DARS1: variants seen among roughly 807,000 people sequenced by gnomAD.
DARS1 encodes aspartate--tRNA ligase, cytoplasmic.
A neutral mutation model predicts 68.8 loss-of-function variants in DARS1; 51 were observed. The observed-to-expected ratio is 0.74, with a 90% CI of 0.59 to 0.94. The LOEUF (loss-of-function observed/expected upper bound fraction) is 0.94. Ranked by LOEUF, DARS1 falls within the 40% of genes least tolerant of loss-of-function variation. The pLI is 0.00. For missense variants in DARS1, 607 were observed against 597.3 expected, an observed-to-expected ratio of 1.02 and a Z score of -0.17; for synonymous variants, 203 against 190.4, an observed-to-expected ratio of 1.07 and a Z score of -0.55.
At chr2:135,934,061 T>G in intron 5 of DARS1, 71 bp from the exon 6 acceptor site, 1 of 1,560,600 alleles carries the variant, frequency 6.4e-7, no homozygotes, top group Non-Finnish European at 8.7e-7. Flanking sequence ...AAAAACAATC[T>G]ACAGTTGACT....
At chr2:135,979,091 G>A (rs1309444314) in intron 3 of DARS1, 183 bp downstream of exon 3, 16 of 444,620 alleles carry the variant, frequency 3.6e-5, no homozygotes, top group Non-Finnish European at 6.3e-5. Context: ...TTATTTGTAA[G>A]GATGTTTTAC....
intron 3 of DARS1, among the ~76,000 whole-genome samples, chr2:135,972,485 T>C (rs368030825): frequency 3.3e-5 from 5 of 152,280 alleles, no homozygotes; most frequent in South Asian, 2.1e-4. Flanking sequence ...CAAGAAAACA[T>C]TGGGGAAACC....
intron 1 of DARS1, among the ~76,000 whole-genome samples, chr2:135,985,018 G>A (rs1682739274): frequency 6.6e-6 from 1 of 152,220 alleles, no homozygotes; most frequent in Non-Finnish European, 1.5e-5. Flanking sequence ...TTAGGAACAC[G>A]AGGGCTGAGT....
At chr2:135,939,663 C>A (rs1681552825) in intron 5 of DARS1, among the ~76,000 whole-genome samples, 2 of 152,104 alleles carry the variant, frequency 1.3e-5, no homozygotes, top group African/African-American at 4.8e-5. Context: ...AAGATCAGAG[C>A]AGAATTGAAG....
chr2:135,961,718 A>T (rs534728011), intron 3 of DARS1, among the ~76,000 whole-genome samples: 3 of 152,374 alleles, frequency 2.0e-5, no homozygotes, highest in Non-Finnish European at 2.9e-5. Context: ...GTAACAAGAA[A>T]TGCTTTCAAC....
intron 15 of DARS1, 194 bp downstream of exon 15, chr2:135,910,945 A>G (rs1462479551): frequency 2.1e-6 from 1 of 486,690 alleles, no homozygotes; most frequent in Admixed American, 3.9e-5. Context: ...TGGCTTCTAA[A>G]TTCTTAAGAG....
intron 4 of DARS1, among the ~76,000 whole-genome samples, chr2:135,956,888 C>T (rs890054431): frequency 9.9e-5 from 15 of 151,902 alleles, no homozygotes; most frequent in African/African-American, 2.9e-4. Flanking sequence ...CTCAGCTTCC[C>T]GAGTAGCTGG....
At chr2:135,969,451 A>G (rs1682318765) in intron 3 of DARS1, among the ~76,000 whole-genome samples, 1 of 152,128 alleles carries the variant, frequency 6.6e-6, no homozygotes, top group Non-Finnish European at 1.5e-5. Flanking sequence ...AGGGAGTATC[A>G]TTATTTCTGT....
At chr2:135,938,346 T>C (rs1681517129) in intron 5 of DARS1, among the ~76,000 whole-genome samples, 1 of 152,236 alleles carries the variant, frequency 6.6e-6, no homozygotes, top group Admixed American at 6.5e-5. Flanking sequence ...CATCAGGTCA[T>C]TTAAGTTCTT....
In DARS1 at chr2:135,952,158, C is replaced by T. The variant is rs185713764; in HGVS notation, c.321-8678G>A. On this transcript the variant is annotated intron_variant, in intron 4 of 15. Transcript: ENST00000264161. ...ACCCAGGAGGCTGACGCAGGAGAAT[C>T]GCTTGAACCTGGGAGGCAGAGGTTG... 5.4e-3 allele frequency among the ~76,000 whole-genome samples: 820 copies of T among 152,296 alleles called. 5 individuals carry two copies. The highest frequency in any genetic ancestry group is 7.7e-3 in the Admixed American group (118 of 15,302).
chr2:135,962,097 G>A (rs534972699), intron 3 of DARS1, among the ~76,000 whole-genome samples: 1 of 152,052 alleles, frequency 6.6e-6, no homozygotes, highest in South Asian at 2.1e-4. Flanking sequence ...CATATTTTAT[G>A]AGTCTCGCAT....
Position 135,911,380 on chromosome 2 carries a change from A to G in DARS1, c.1342+2T>C. Reference sequence around the variant, plus strand: ...TCCCCTAAATTATTTTAAGTTGTTTACCAATTCCATGATGTAAAGCTCTCT... The same window carrying G: ...TCCCCTAAATTATTTTAAGTTGTTTGCCAATTCCATGATGTAAAGCTCTCT... On this transcript the variant is annotated splice_donor_variant, in intron 14 of 15. Coordinates refer to ENST00000264161, the MANE Select transcript of DARS1 (RefSeq NM_001349.4). LOFTEE classifies it high-confidence loss of function. 1.1e-6 allele frequency: 1 copy of G among 916,328 alleles called. No homozygotes were observed. Among genetic ancestry groups the G allele is most frequent in the Non-Finnish European group, 1.8e-6 (1 of 545,242 alleles). 56.8% of individuals were successfully genotyped at this position (916,328 alleles called of 1,614,324 possible). A position where few individuals can be genotyped will look rare whatever the true frequency, so the allele number is the denominator to read the frequency against.
At chr2:135,984,265 ATCTG>A (rs1379281879) in intron 1 of DARS1, among the ~76,000 whole-genome samples, 7 of 152,204 alleles carry the variant, frequency 4.6e-5, no homozygotes, top group African/African-American at 1.7e-4. Context: ...GACCTATACT[ATCTG>A]TAAGGGTACA....
At chr2:135,977,609 T>C (rs1682530341) in intron 3 of DARS1, among the ~76,000 whole-genome samples, 1 of 152,302 alleles carries the variant, frequency 6.6e-6, no homozygotes, top group South Asian at 2.1e-4. Context: ...TGACTGACTA[T>C]TGGCAGAATA....
chr2:135,920,747 T>A, intron 9 of DARS1, 147 bp from the exon 10 acceptor site: 1 of 1,081,050 alleles, frequency 9.3e-7, no homozygotes, highest in Non-Finnish European at 1.2e-6. Flanking sequence ...GAACCATCTG[T>A]TTGAGCATTA....
chr2:135,928,512 T>A (rs1189424541), intron 7 of DARS1, among the ~76,000 whole-genome samples: 1 of 149,312 alleles, frequency 6.7e-6, no homozygotes, highest in Non-Finnish European at 1.5e-5. Context: ...GCCTGGCTAA[T>A]TTTTTTTGTA....
intron 4 of DARS1, among the ~76,000 whole-genome samples, chr2:135,956,908 C>T (rs747571229): frequency 6.6e-6 from 1 of 150,612 alleles, no homozygotes; most frequent in Non-Finnish European, 1.5e-5. Context: ...GGATTAGAGG[C>T]GCCTACCACC....
intron 8 of DARS1, 63 bp downstream of exon 8, chr2:135,924,303 AAGTTAAAAATTTTATTAATAT>A (rs1681167289): frequency 7.2e-7 from 1 of 1,387,174 alleles, no homozygotes; most frequent in Non-Finnish European, 9.4e-7. Context: ...TGGGATTCTC[AAGTTAAAAATTTTATTAATAT>A]AAAGCAACTC....
Position 135,983,465 on chromosome 2 carries a change from A to G in DARS1, c.67-11T>C. On this transcript the variant is annotated splice_polypyrimidine_tract_variant and intron_variant, in intron 1 of 15. Coordinates refer to ENST00000264161, the MANE Select transcript of DARS1 (RefSeq NM_001349.4). ...CTCTTTAGCATAATCCTACAAAAAA[A>G]GTTTTTTGCATCGTGACTTTTTATG... 2.0e-6 allele frequency: 2 copies of G among 999,456 alleles called. No homozygotes were observed. The highest frequency in any genetic ancestry group is 1.4e-5 in the South Asian group (1 of 71,786). 61.9% of individuals were successfully genotyped at this position (999,456 alleles called of 1,614,324 possible). A position where few individuals can be genotyped will look rare whatever the true frequency, so the allele number is the denominator to read the frequency against.
Sources: allele counts gnomAD v4.1 joint callset (sites outside exome capture counted in the v4.1 genomes callset), GRCh38; gene constraint gnomAD v4.1.1; transcripts MANE v1.5; gene names NCBI Gene and HGNC (gene_info 2026-07-23, HGNC 2026-07-21).